The following FHIT variants were observed in gnomAD, a reference collection of about 807,000 sequenced individuals.
FHIT encodes the protein bis(5'-adenosyl)-triphosphatase.
Under a neutral mutation model 17.9 loss-of-function variants are expected in FHIT, and 19 were observed. The ratio of observed to expected loss-of-function variants is 1.06; its 90% CI spans 0.74 to 1.56. The LOEUF is 1.56. Ranked by LOEUF, FHIT falls within the 40% of genes most tolerant of loss-of-function variation. FHIT has a pLI of 0.00. For missense variants in FHIT, 248 were observed against 189.2 expected, an observed-to-expected ratio of 1.31 and a Z score of -1.82; for synonymous variants, 81 against 69.7, an observed-to-expected ratio of 1.16 and a Z score of -0.81.
chr3:60,493,639 T>C (rs1426105726), intron 5 of FHIT, among the ~76,000 whole-genome samples: 2 of 152,186 alleles, frequency 1.3e-5, no homozygotes, highest in Non-Finnish European at 2.9e-5. Flanking sequence ...AAATGACATT[T>C]TTAGACATGG....
chr3:60,820,461 G>A (rs1553738965), intron 4 of FHIT, among the ~76,000 whole-genome samples: 3 of 152,084 alleles, frequency 2.0e-5, no homozygotes, highest in African/African-American at 7.2e-5. Flanking sequence ...TGTTTTCCAG[G>A]TAAACCATCT....
chr3:60,928,311 TA>T (rs1280224071), intron 3 of FHIT, among the ~76,000 whole-genome samples: 2 of 70,588 alleles, frequency 2.8e-5, no homozygotes, highest in Admixed American at 1.5e-4. Flanking sequence ...CAACAAATAC[TA>T]AAAAAATTAA....
intron 4 of FHIT, among the ~76,000 whole-genome samples, chr3:60,798,400 A>G (rs1701065813): frequency 6.6e-6 from 1 of 152,234 alleles, no homozygotes; most frequent in African/African-American, 2.4e-5. Flanking sequence ...AATAATCAAG[A>G]GCTGTTGTCT....
intron 8 of FHIT, among the ~76,000 whole-genome samples, chr3:59,838,521 T>A (rs1476710215): frequency 6.6e-6 from 1 of 152,124 alleles, no homozygotes; most frequent in Non-Finnish European, 1.5e-5. Flanking sequence ...TGTGTCTTCT[T>A]CCCAAGGCCT....
At chr3:60,930,438 A>G (rs1707888436) in intron 3 of FHIT, among the ~76,000 whole-genome samples, 1 of 152,230 alleles carries the variant, frequency 6.6e-6, no homozygotes, top group African/African-American at 2.4e-5. Flanking sequence ...CAACCTACAG[A>G]ATGGGAGAAA....
chr3:59,905,631 T>A (rs933708743), intron 8 of FHIT, among the ~76,000 whole-genome samples: 10 of 152,206 alleles, frequency 6.6e-5, no homozygotes, highest in Admixed American at 3.3e-4. Context: ...GTGGAGTCAA[T>A]AGACTCTATG....
At chr3:60,644,585 A>G (rs782492562) in intron 4 of FHIT, among the ~76,000 whole-genome samples, 1 of 152,242 alleles carries the variant, frequency 6.6e-6, no homozygotes, top group African/African-American at 2.4e-5. Flanking sequence ...TGCATAAAAC[A>G]CAACATTTTA....
intron 2 of FHIT, among the ~76,000 whole-genome samples, chr3:61,129,024 T>C (rs749486557): frequency 3.9e-4 from 59 of 152,180 alleles, no homozygotes; most frequent in Admixed American, 3.4e-3. Context: ...CATTACTGAA[T>C]TGTATATGTC....
chr3:60,203,988 A>G (rs1020908793), intron 5 of FHIT, among the ~76,000 whole-genome samples: 2 of 152,148 alleles, frequency 1.3e-5, no homozygotes, highest in East Asian at 1.9e-4. Flanking sequence ...TATAAAAAAT[A>G]GAAAGAATGA....
chr3:59,763,044 C>T (rs1307327917), intron 8 of FHIT, among the ~76,000 whole-genome samples: 2 of 152,128 alleles, frequency 1.3e-5, no homozygotes, highest in East Asian at 3.8e-4. Context: ...CCTTTTTCCC[C>T]CCCGCCGGTG....
chr3:61,008,682 G>A (rs944990720), intron 3 of FHIT, among the ~76,000 whole-genome samples: 10 of 151,984 alleles, frequency 6.6e-5, no homozygotes, highest in Non-Finnish European at 1.3e-4. Context: ...TAAATCTAAC[G>A]TGGACAGCTT....
chr3:60,347,784 G>C (rs574871402), intron 5 of FHIT, among the ~76,000 whole-genome samples: 6 of 149,036 alleles, frequency 4.0e-5, no homozygotes, highest in Non-Finnish European at 8.9e-5. Flanking sequence ...TTGAGACAAA[G>C]TCTCGCTCTT....
intron 4 of FHIT, among the ~76,000 whole-genome samples, chr3:60,628,693 G>A (rs945404176): frequency 3.3e-5 from 5 of 152,224 alleles, no homozygotes; most frequent in African/African-American, 1.2e-4. Flanking sequence ...ATTTTATAGA[G>A]CTACCAGCCT....
chr3:60,701,478 G>A (rs1330230936), intron 4 of FHIT, among the ~76,000 whole-genome samples: 2 of 152,066 alleles, frequency 1.3e-5, no homozygotes, highest in African/African-American at 4.8e-5. Flanking sequence ...ATAGGGGGTC[G>A]GAAAGGGGGG....
chr3:60,192,297 T>C (rs1702437797), intron 5 of FHIT, among the ~76,000 whole-genome samples: 1 of 147,060 alleles, frequency 6.8e-6, no homozygotes, highest in African/African-American at 2.5e-5. Flanking sequence ...AAAAGTTCAA[T>C]GGCCTTTGAA....
At chr3:59,981,666 C>T (rs1429365932) in intron 7 of FHIT, among the ~76,000 whole-genome samples, 2 of 152,078 alleles carry the variant, frequency 1.3e-5, no homozygotes, top group Non-Finnish European at 2.9e-5. Flanking sequence ...CAGAGAGATG[C>T]CCTTGATAAT....
chr3:59,810,832 C>T (rs1205235532), intron 8 of FHIT, among the ~76,000 whole-genome samples: 1 of 152,316 alleles, frequency 6.6e-6, no homozygotes, highest in East Asian at 1.9e-4. Context: ...CGCATGTAAG[C>T]TTTCTGCTTT....
intron 3 of FHIT, among the ~76,000 whole-genome samples, chr3:60,863,902 A>G (rs186948497): frequency 8.7e-4 from 133 of 152,296 alleles, no homozygotes; most frequent in Non-Finnish European, 1.5e-3. Context: ...CAACAAGCCT[A>G]TGAGACTGTA....
At chr3:60,355,785 A>G (rs1332671031) in intron 5 of FHIT, among the ~76,000 whole-genome samples, 1 of 152,202 alleles carries the variant, frequency 6.6e-6, no homozygotes, top group Non-Finnish European at 1.5e-5. Context: ...TCTTCAATTC[A>G]GAAGCTCTTT....
Sources: gnomAD v4.1 joint callset for allele counts (sites outside exome capture counted in the v4.1 genomes callset) on GRCh38, gnomAD v4.1.1 for gene constraint, MANE v1.5 for transcripts, NCBI Gene and HGNC (gene_info 2026-07-23, HGNC 2026-07-21) for gene names.